Variants in WDR72 observed in about 807,000 individuals in gnomAD.
The protein encoded by WDR72 is WD repeat domain 72.
A neutral mutation model predicts 124.2 loss-of-function variants in WDR72; 120 were observed. The observed-to-expected ratio is 0.97, with a 90% CI of 0.83 to 1.12. The LOEUF is 1.12. Among genes scored for constraint, WDR72 ranks in the 50% most tolerant of loss-of-function variants. The pLI is 0.00. For missense variants in WDR72, 1,387 were observed against 1,278.8 expected (o/e 1.08, Z -1.29); for synonymous variants, 452 against 441.7 (o/e 1.02, Z -0.29).
At chr15:53,681,084 G>C (rs1226734704) in intron 13 of WDR72, among the ~76,000 whole-genome samples, 1 of 152,166 alleles carries the variant, frequency 6.6e-6, no homozygotes, top group African/African-American at 2.4e-5. Flanking sequence ...TAACAGGTAA[G>C]CAAATGGTAG....
chr15:53,661,171 C>G (rs1194413978), intron 14 of WDR72, among the ~76,000 whole-genome samples: 2 of 152,170 alleles, frequency 1.3e-5, no homozygotes, highest in African/African-American at 4.8e-5. Context: ...TATGTACTAT[C>G]TGGTCCTTTC....
intron 9 of WDR72, among the ~76,000 whole-genome samples, chr15:53,706,976 G>A (rs1266482419): frequency 6.6e-6 from 1 of 152,090 alleles, no homozygotes; most frequent in Admixed American, 6.5e-5. Context: ...AGCATCCCTA[G>A]TCCTTCTCAG....
rs2017336955 is a variant in WDR72, at chr15:53,705,843, C to G, written c.1102+84G>C. The G allele has an allele frequency of 1.9e-6, 3 of 1,546,850 alleles. No individual in the cohort carries two copies. In the Admixed American group the frequency reaches 5.0e-5, roughly 26 times the overall value. On this transcript the variant is annotated intron_variant, in intron 10 of 19. Coordinates refer to ENST00000360509, the MANE Select transcript of WDR72 (RefSeq NM_182758.4). ...AATAAATTTTTCTTGTTTGTGGTCCCATGCTGCTCAACTTAGAAGAACAAT... is the reference window on the plus strand; with the variant it reads ...AATAAATTTTTCTTGTTTGTGGTCCGATGCTGCTCAACTTAGAAGAACAAT...
chr15:53,572,600 GA>G (rs1037006215), intron 18 of WDR72, among the ~76,000 whole-genome samples: 1 of 151,990 alleles, frequency 6.6e-6, no homozygotes, highest in African/African-American at 2.4e-5. Flanking sequence ...TCATTCAAAT[GA>G]AAAAAAATTT....
chr15:53,615,723 A>G lies in WDR72; in HGVS notation c.2483T>C (p.Ile828Thr). The G allele has an allele frequency of 6.2e-7, 1 of 1,613,154 alleles. No homozygotes were observed. Among genetic ancestry groups the G allele is most frequent in the Non-Finnish European group, 8.5e-7 (1 of 1,179,576 alleles). The change falls in exon 15 of 20, where the codon ATT becomes ACT. Residue 828 changes from isoleucine to threonine, a missense_variant. Transcript: ENST00000360509. The stretch of plus-strand genomic sequence containing the variant: ...TTCATTCAAAGAAATTCCCAAAGAA[A>G]TAGGACCCTGAAGCTTTAAAATATT... ...HLNILKLQGP[I>T]SLGISLNEDN...
At chr15:53,698,737 G>T (rs548266998) in intron 13 of WDR72, among the ~76,000 whole-genome samples, 1 of 152,222 alleles carries the variant, frequency 6.6e-6, no homozygotes, top group East Asian at 1.9e-4. Flanking sequence ...CCTCAAACTG[G>T]TTCACCACTT....
At chr15:53,760,811 AT>A (rs2019049525), upstream of WDR72, among the ~76,000 whole-genome samples, 1 of 152,218 alleles carries the variant, frequency 6.6e-6, no homozygotes, top group Non-Finnish European at 1.5e-5. Context: ...ATAGGAAAAA[AT>A]ATAATAATTC....
intron 18 of WDR72, among the ~76,000 whole-genome samples, chr15:53,580,444 G>C (rs2011855333): frequency 1.3e-5 from 2 of 152,044 alleles, no homozygotes; most frequent in Admixed American, 1.3e-4. Context: ...ATCTCATCAT[G>C]ATCTCAGTGT....
intron 18 of WDR72, among the ~76,000 whole-genome samples, chr15:53,579,936 T>G (rs902963194): frequency 3.3e-5 from 5 of 152,164 alleles, no homozygotes; most frequent in Non-Finnish European, 7.4e-5. Context: ...ATTATGTCTC[T>G]GCACCCAAAT....
In WDR72 at chr15:53,613,714, C is replaced by T. The variant is rs950659582; in HGVS notation, c.2824G>A (p.Gly942Arg). 2.5e-6 allele frequency: 4 copies of T among 1,610,978 alleles called. No homozygotes were observed. The African/African-American group carries it at 5.3e-5, about 22-fold the overall frequency. The change falls in exon 16 of 20, where the codon GGG becomes AGG. Residue 942 changes from glycine (G) to arginine (R), a missense_variant. Physicochemically the swap from Gly to Arg is moderately radical, Grantham distance 125. Transcript: ENST00000360509. ...ESIHNKMRGA[G>R]NDILNMSSFY... ...CTTGACATATTTAAAATGTCATTCC[C>T]AGCACCTCTCATCTTATTATGTATA...
chr15:53,740,876 C>T (rs1046942344), intron 1 of WDR72, among the ~76,000 whole-genome samples: 2 of 152,098 alleles, frequency 1.3e-5, no homozygotes, highest in African/African-American at 4.8e-5. Context: ...AATAAAGATA[C>T]CTTACAGGGT....
At chr15:53,684,900 A>G (rs2016556325) in intron 13 of WDR72, among the ~76,000 whole-genome samples, 1 of 152,154 alleles carries the variant, frequency 6.6e-6, no homozygotes, top group Non-Finnish European at 1.5e-5. Flanking sequence ...TGGGTGCCTG[A>G]CCCCTGACCC....
intron 19 of WDR72, among the ~76,000 whole-genome samples, chr15:53,522,458 C>CCTTCTA (rs1192211428): frequency 6.6e-6 from 1 of 151,970 alleles, no homozygotes; most frequent in African/African-American, 2.4e-5. Flanking sequence ...TAATAAGGTA[C>CCTTCTA]CTTCTAGCAC....
intron 2 of WDR72, 45 bp from the exon 3 acceptor site, chr15:53,722,953 G>C: frequency 1.3e-6 from 2 of 1,539,068 alleles, no homozygotes; most frequent in South Asian, 2.2e-5. Context: ...TAAACTGTTT[G>C]AAGAATAAAA....
At chr15:53,583,493 G>A (rs2012038432) in intron 18 of WDR72, among the ~76,000 whole-genome samples, 1 of 151,930 alleles carries the variant, frequency 6.6e-6, no homozygotes, top group Admixed American at 6.6e-5. Context: ...GCATTCCTCA[G>A]CATTAAACAC....
Position 53,716,613 on chromosome 15 carries a change from T to C in WDR72, c.333A>G (p.Ala111=), listed in dbSNP as rs1382367860. The part of the protein sequence containing the change: ...EKATLPYRHT[A]ICYYHCSFRM... The stretch of plus-strand genomic sequence containing the variant: ...AGGAAGTGAGTGTACTTACACAGAT[T>C]GCAGTGTGCCTGTAAGGAAGTGTAG... The change falls in exon 4 of 20, where the codon GCA becomes GCG. Residue 111 remains alanine (A), a synonymous_variant. Coordinates refer to ENST00000360509, the MANE Select transcript of WDR72 (RefSeq NM_182758.4). 1.2e-6 allele frequency: 2 copies of C among 1,604,900 alleles called. No homozygotes were observed. The highest frequency in any genetic ancestry group is 1.7e-6 in the Non-Finnish European group (2 of 1,171,708).
intron 19 of WDR72, among the ~76,000 whole-genome samples, chr15:53,521,256 G>A (rs1489002058): frequency 6.6e-6 from 1 of 152,058 alleles, no homozygotes; most frequent in Non-Finnish European, 1.5e-5. Context: ...CATTTTATAG[G>A]ACTGCCCAGC....
At chr15:53,576,609 A>G (rs1207546457) in intron 18 of WDR72, among the ~76,000 whole-genome samples, 1 of 152,032 alleles carries the variant, frequency 6.6e-6, no homozygotes, top group Non-Finnish European at 1.5e-5. Flanking sequence ...CACCCCTAAA[A>G]ATACACACAT....
At chr15:53,619,264 TTGTGTGTGTGTGTGTG>T (rs3081256) in intron 14 of WDR72, among the ~76,000 whole-genome samples, 3 of 147,406 alleles carry the variant, frequency 2.0e-5, no homozygotes, top group African/African-American at 7.5e-5. Context: ...TGCTTTATAA[TTGTGTGTGTGTGTGTG>T]TGTGTGTGTG....
Sources: gnomAD v4.1 joint callset for allele counts (sites outside exome capture counted in the v4.1 genomes callset) on GRCh38, gnomAD v4.1.1 for gene constraint, MANE v1.5 for transcripts, NCBI Gene and HGNC (gene_info 2026-07-23, HGNC 2026-07-21) for gene names.